Variants in GMDS observed in about 807,000 individuals in gnomAD.
The protein encoded by GMDS is GDP-mannose 4,6-dehydratase.
In GMDS, 20 loss-of-function variants were observed where a neutral mutation model predicts 49.9. That is an observed-to-expected ratio of 0.40 (90% CI 0.28 to 0.58). GMDS has a LOEUF of 0.58. GMDS is among the 20% of genes least tolerant of loss of function. The probability of loss-of-function intolerance (pLI) is 0.42; values close to 1 mark genes in which losing one functional copy is unlikely to be tolerated. For synonymous variants in GMDS, 177 were observed against 178.6 expected, an observed-to-expected ratio of 0.99 and a Z score of 0.07; for missense variants, 362 against 481.4, an observed-to-expected ratio of 0.75 and a Z score of 2.32.
chr6:1,873,018 A>G (rs531363923), intron 7 of GMDS, among the ~76,000 whole-genome samples: 2 of 152,062 alleles, frequency 1.3e-5, no homozygotes, highest in Admixed American at 6.5e-5. Context: ...TGAAATCCCC[A>G]CTCTTTCGTC....
chr6:1,662,400 G>A (rs1331267753), intron 9 of GMDS, among the ~76,000 whole-genome samples: 1 of 152,126 alleles, frequency 6.6e-6, no homozygotes, highest in Non-Finnish European at 1.5e-5. Flanking sequence ...TGCAGACTTG[G>A]GAACAGCTGG....
intron 9 of GMDS, among the ~76,000 whole-genome samples, chr6:1,664,796 G>A (rs962280868): frequency 6.6e-6 from 1 of 152,218 alleles, no homozygotes; most frequent in Non-Finnish European, 1.5e-5. Context: ...GGCTTCACAT[G>A]TGGGTAGAGA....
In GMDS at chr6:1,624,827, CTTTTTT is replaced by C. The variant is rs551321002; in HGVS notation, c.988-293_988-288del. ...CAAGGCGTCCCTTGGGCTCTTAATG[CTTTTTT>C]TTTTTTTTTTTTTTTTTTTTTATAA... On this transcript the variant is annotated intron_variant, in intron 9 of 10. Transcript: ENST00000380815. 213 of 83,282 alleles carry C rather than the reference CTTTTTT, an allele frequency of 2.6e-3. 1 individual carries two copies. The highest frequency in any genetic ancestry group is 0.015 in the South Asian group (31 of 2,066). The allele number at this position is 83,282 out of a possible 1,614,324, so 5.2% of individuals were successfully genotyped here. A position where few individuals can be genotyped will look rare whatever the true frequency, so the allele number is the denominator to read the frequency against.
chr6:2,109,566 G>C (rs1774430959), intron 4 of GMDS, among the ~76,000 whole-genome samples: 1 of 152,224 alleles, frequency 6.6e-6, no homozygotes, highest in Non-Finnish European at 1.5e-5. Flanking sequence ...GACGTGACCA[G>C]GATTTTAAGC....
intron 7 of GMDS, among the ~76,000 whole-genome samples, chr6:1,898,789 G>A (rs1039462403): frequency 3.3e-5 from 5 of 152,202 alleles, no homozygotes; most frequent in Non-Finnish European, 5.9e-5. Context: ...AAATCCCAGC[G>A]TGTATTGATC....
chr6:1,846,099 T>C (rs1259427232), intron 7 of GMDS, among the ~76,000 whole-genome samples: 3 of 150,438 alleles, frequency 2.0e-5, no homozygotes, highest in Non-Finnish European at 3.0e-5. Context: ...TTTTTTTTTT[T>C]TCCTCCTTGA....
intron 7 of GMDS, among the ~76,000 whole-genome samples, chr6:1,911,896 GA>G (rs1012187721): frequency 2.6e-5 from 4 of 152,002 alleles, no homozygotes; most frequent in African/African-American, 7.2e-5. Context: ...ACTCTGTAGG[GA>G]AAAAACACCT....
chr6:1,876,622 C>T (rs922268403), intron 7 of GMDS, among the ~76,000 whole-genome samples: 1 of 152,088 alleles, frequency 6.6e-6, no homozygotes, highest in Admixed American at 6.5e-5. Context: ...ATGGTAATAA[C>T]AATACTAACT....
rs534740811 is a variant in GMDS at position 2,053,570 on chromosome 6, TAA to T, written c.345+62199_345+62200del. ...TTTCCACATTGAAACCTACACTTAT[TAA>T]CTTTTTATAGTTGTCCTATCAAATT... On this transcript the variant is annotated intron_variant, in intron 4 of 10. Transcript: ENST00000380815. Among the ~76,000 whole-genome samples, 617 of 152,214 alleles carry T rather than the reference TAA, an allele frequency of 4.1e-3. 1 individual carries two copies. Among genetic ancestry groups the T allele is most frequent in the Middle Eastern group, 0.01 (3 of 292 alleles).
At chr6:2,162,543 C>G (rs976633951) in intron 1 of GMDS, among the ~76,000 whole-genome samples, 1 of 152,088 alleles carries the variant, frequency 6.6e-6, no homozygotes, top group Non-Finnish European at 1.5e-5. Context: ...TTTCTAGTCT[C>G]ATGTATTCAG....
At chr6:2,132,113 A>AT (rs892685092) in intron 1 of GMDS, among the ~76,000 whole-genome samples, 1 of 152,182 alleles carries the variant, frequency 6.6e-6, no homozygotes, top group African/African-American at 2.4e-5. Flanking sequence ...TCTGAGGTGA[A>AT]TTGAGAGGTA....
intron 4 of GMDS, among the ~76,000 whole-genome samples, chr6:1,964,332 T>C (rs1764138328): frequency 6.6e-6 from 1 of 152,236 alleles, no homozygotes. Context: ...TTTATAGACA[T>C]GCCGCCTAAA....
At chr6:1,926,097 G>A (rs1203084707) in intron 7 of GMDS, among the ~76,000 whole-genome samples, 1 of 152,132 alleles carries the variant, frequency 6.6e-6, no homozygotes, top group African/African-American at 2.4e-5. Context: ...TCTCTCTTCT[G>A]GTTCCCCCAT....
At chr6:1,684,267 G>T (rs1050812598) in intron 9 of GMDS, among the ~76,000 whole-genome samples, 4 of 152,168 alleles carry the variant, frequency 2.6e-5, no homozygotes, top group Non-Finnish European at 5.9e-5. Context: ...TGGTGGGAAT[G>T]CAACAGGGCA....
intron 7 of GMDS, among the ~76,000 whole-genome samples, chr6:1,906,356 A>G (rs1333057043): frequency 1.3e-5 from 2 of 152,196 alleles, no homozygotes; most frequent in Non-Finnish European, 2.9e-5. Flanking sequence ...TTGCACCATG[A>G]AACTAACACA....
chr6:2,187,887 C>T (rs1778849060), intron 1 of GMDS, among the ~76,000 whole-genome samples: 1 of 152,210 alleles, frequency 6.6e-6, no homozygotes, highest in African/African-American at 2.4e-5. Context: ...CCACCACTCT[C>T]GTTTCAGAAT....
rs960433083 is a variant in GMDS at position 1,709,788 on chromosome 6, A to C, written c.987+16628T>G. ...GCTGTAACTAGGATTTAGAGATGGG[A>C]CTGAGAGTTATGTTTCAAAACCAGA... On this transcript the variant is annotated intron_variant, in intron 9 of 10. Coordinates refer to ENST00000380815, the MANE Select transcript of GMDS (RefSeq NM_001500.4). Among the ~76,000 whole-genome samples the C allele has an allele frequency of 3.9e-5, 6 of 151,964 alleles. No homozygotes were observed. The Admixed American group carries it at 3.9e-4, about 10-fold the overall frequency.
At chr6:1,706,951 C>T (rs1765761947) in intron 9 of GMDS, among the ~76,000 whole-genome samples, 1 of 152,200 alleles carries the variant, frequency 6.6e-6, no homozygotes, top group South Asian at 2.1e-4. Flanking sequence ...GGCCTACTCT[C>T]ATGGCAGTAT....
chr6:2,076,562 G>A (rs949343011), intron 4 of GMDS, among the ~76,000 whole-genome samples: 5 of 152,114 alleles, frequency 3.3e-5, no homozygotes, highest in Admixed American at 2.0e-4. Context: ...CCAAAACAGA[G>A]ATATAGACCA....
Sources: gnomAD v4.1 joint callset for allele counts (sites outside exome capture counted in the v4.1 genomes callset) on GRCh38, gnomAD v4.1.1 for gene constraint, MANE v1.5 for transcripts, NCBI Gene and HGNC (gene_info 2026-07-23, HGNC 2026-07-21) for gene names.